Variants in WNK3 observed in about 807,000 individuals in gnomAD.
WNK3 encodes serine/threonine-protein kinase WNK3.
In WNK3, 18 loss-of-function variants were observed where a neutral mutation model predicts 116.7. The ratio of observed to expected loss-of-function variants is 0.15; its 90% CI spans 0.11 to 0.23. The LOEUF (loss-of-function observed/expected upper bound fraction) is 0.23, where lower values mean the gene tolerates loss of function less well. WNK3 is among the 10% of genes least tolerant of loss of function. The probability of loss-of-function intolerance (pLI) is 1.00; values close to 1 mark genes in which losing one functional copy is unlikely to be tolerated. For synonymous variants in WNK3, 404 were observed against 469.4 expected (o/e 0.86, Z 1.80); for missense variants, 993 against 1,323.8 (o/e 0.75, Z 3.88).
At chrX:54,224,576 T>TC (rs1414745067) in intron 22 of WNK3, among the ~76,000 whole-genome samples, 2 of 109,150 alleles carry the variant, frequency 1.8e-5, no homozygotes, top group Non-Finnish European at 3.8e-5. Flanking sequence ...ACTTCTTTTT[T>TC]TTTTTCTTTT....
chrX:54,323,550 C>T (rs2069062650), intron 2 of WNK3, among the ~76,000 whole-genome samples: 1 of 111,155 alleles, frequency 9.0e-6, no homozygotes, highest in African/African-American at 3.3e-5. Flanking sequence ...GATGGGTATA[C>T]AGGAACTTTC....
chrX:54,218,760 T>C (rs1451931413), intron 22 of WNK3, among the ~76,000 whole-genome samples: 1 of 109,451 alleles, frequency 9.1e-6, no homozygotes, highest in African/African-American at 3.3e-5. Context: ...GGTGCGCGTC[T>C]GTAATCCCAG....
intron 22 of WNK3, among the ~76,000 whole-genome samples, chrX:54,215,198 C>T (rs1557144804): frequency 1.8e-5 from 2 of 109,425 alleles, no homozygotes; most frequent in African/African-American, 3.3e-5. Context: ...CCTCTCTCTC[C>T]GTCTCCTCTC....
chrX:54,342,097 C>A (rs970082491), intron 1 of WNK3, among the ~76,000 whole-genome samples: 34 of 109,188 alleles, frequency 3.1e-4, no homozygotes, highest in African/African-American at 1.1e-3. Flanking sequence ...CCTGTCTCTA[C>A]AAAAAACAAA....
intron 10 of WNK3, among the ~76,000 whole-genome samples, chrX:54,274,103 T>C (rs2068414344): frequency 9.0e-6 from 1 of 111,108 alleles, no homozygotes; most frequent in African/African-American, 3.3e-5. Context: ...CACCAAATCC[T>C]TGAGAAACAC....
intron 22 of WNK3, among the ~76,000 whole-genome samples, chrX:54,223,047 C>T (rs1273242131): frequency 5.7e-5 from 6 of 104,429 alleles, no homozygotes; most frequent in African/African-American, 1.8e-4. Flanking sequence ...AGAAAAAAAT[C>T]GAAGATATAT....
chrX:54,235,876 CA>C (rs2067955747), intron 20 of WNK3, among the ~76,000 whole-genome samples: 2 of 111,676 alleles, frequency 1.8e-5, no homozygotes, highest in African/African-American at 6.5e-5. Flanking sequence ...GATATAAGAA[CA>C]GTCTTGCAGT....
intron 3 of WNK3, among the ~76,000 whole-genome samples, chrX:54,310,452 TGGG>T (rs2068874924): frequency 9.1e-6 from 1 of 109,933 alleles, no homozygotes; most frequent in Non-Finnish European, 1.9e-5. Flanking sequence ...TAGGCTGAGG[TGGG>T]AGGGTCACTT....
chrX:54,258,277 C>CAAAAAAAA (rs1177900992), intron 11 of WNK3, among the ~76,000 whole-genome samples: 1 of 28,015 alleles, frequency 3.6e-5, no homozygotes, highest in Non-Finnish European at 7.3e-5. Flanking sequence ...GACTCCATCT[C>CAAAAAAAA]AAAAAAAAAA....
chrX:54,215,471 G>A (rs1046337398), intron 22 of WNK3, among the ~76,000 whole-genome samples: 2 of 112,777 alleles, frequency 1.8e-5, no homozygotes, highest in African/African-American at 3.2e-5. Context: ...GATTGCAGAC[G>A]GAGTCTCGCT....
chrX:54,259,302 C>T (rs199587694), exon 11 of WNK3: 10 of 1,197,513 alleles, frequency 8.4e-6, no homozygotes, highest in Non-Finnish European at 1.1e-5. Context: ...TTTAGAAGAG[C>T]TGCTTGTTGT....
chrX:54,211,491 T>C (rs1408439829), intron 22 of WNK3, among the ~76,000 whole-genome samples: 1 of 103,929 alleles, frequency 9.6e-6, no homozygotes, highest in Non-Finnish European at 2.0e-5. Flanking sequence ...GGATGTTCTC[T>C]AACCATAATG....
chrX:54,234,451 T>C (rs782684183), intron 20 of WNK3, among the ~76,000 whole-genome samples: 23 of 111,589 alleles, frequency 2.1e-4, no homozygotes, highest in African/African-American at 7.5e-4. Context: ...TAAGTAGATA[T>C]TCATAACCAC....
intron 13 of WNK3, 35 bp downstream of exon 13, chrX:54,253,924 C>T: frequency 2.1e-6 from 2 of 931,433 alleles, no homozygotes; most frequent in Non-Finnish European, 1.5e-6. Flanking sequence ...AGACAGAATG[C>T]TGAAGGGAAG....
At chrX:54,278,935 G>A (rs1557161660) in intron 10 of WNK3, among the ~76,000 whole-genome samples, 1 of 110,953 alleles carries the variant, frequency 9.0e-6, no homozygotes. Context: ...GGGGGTGGTG[G>A]CGGGCACCTG....
At chrX:54,208,164 G>A (rs782276580) in intron 22 of WNK3, among the ~76,000 whole-genome samples, 2 of 109,938 alleles carry the variant, frequency 1.8e-5, no homozygotes, top group South Asian at 3.9e-4. Flanking sequence ...TTGCTCTGTC[G>A]CCCAGGCTGC....
At chrX:54,276,372 C>T (rs1290300201) in intron 10 of WNK3, among the ~76,000 whole-genome samples, 15 of 110,463 alleles carry the variant, frequency 1.4e-4, no homozygotes, top group Non-Finnish European at 2.3e-4. Flanking sequence ...CAAATTACTG[C>T]GTTAAAAGGA....
chrX:54,285,649 G>C (rs1470231593), intron 10 of WNK3, among the ~76,000 whole-genome samples: 2 of 111,958 alleles, frequency 1.8e-5, no homozygotes, highest in African/African-American at 3.2e-5. Context: ...CAGCAGAACT[G>C]AGTAACTGTA....
At chrX:54,257,533 G>A (rs1455818644) in intron 11 of WNK3, among the ~76,000 whole-genome samples, 2 of 110,903 alleles carry the variant, frequency 1.8e-5, no homozygotes, top group East Asian at 2.8e-4. Context: ...GGTGGCTCAC[G>A]CCTGTAATCC....
Sources: allele counts gnomAD v4.1 joint callset (sites outside exome capture counted in the v4.1 genomes callset), GRCh38; gene constraint gnomAD v4.1.1; transcripts MANE v1.5; gene names NCBI Gene and HGNC (gene_info 2026-07-23, HGNC 2026-07-21).